TMEM117: variants seen among roughly 807,000 people sequenced by gnomAD.
TMEM117 encodes transmembrane protein 117.
A neutral mutation model predicts 52.4 loss-of-function variants in TMEM117; 27 were observed. The ratio of observed to expected loss-of-function variants is 0.51; its 90% CI spans 0.38 to 0.71. TMEM117 has a LOEUF of 0.71. Ranked by LOEUF, TMEM117 falls within the 30% of genes least tolerant of loss-of-function variation. The pLI is 0.00. For missense variants in TMEM117, 556 were observed against 630.5 expected (o/e 0.88, Z 1.26); for synonymous variants, 215 against 206.3 (o/e 1.04, Z -0.36).
At chr12:44,180,290 A>C (rs910005793) in intron 4 of TMEM117, among the ~76,000 whole-genome samples, 1 of 151,924 alleles carries the variant, frequency 6.6e-6, no homozygotes, top group African/African-American at 2.4e-5. Flanking sequence ...CATGCAGCTC[A>C]TGTTCCTCTA....
chr12:43,926,832 T>G (rs1944787082), intron 2 of TMEM117, among the ~76,000 whole-genome samples: 1 of 152,152 alleles, frequency 6.6e-6, no homozygotes, highest in African/African-American at 2.4e-5. Context: ...TTTTTCTTCA[T>G]CAGTCTAGTA....
At chr12:43,990,521 A>G (rs1255086406) in intron 3 of TMEM117, among the ~76,000 whole-genome samples, 2 of 152,132 alleles carry the variant, frequency 1.3e-5, no homozygotes, top group Non-Finnish European at 2.9e-5. Context: ...ACCGTAAAAG[A>G]TTTTTTATAT....
chr12:44,044,771 C>T (rs1037957335), intron 3 of TMEM117, among the ~76,000 whole-genome samples: 7 of 152,198 alleles, frequency 4.6e-5, no homozygotes, highest in Admixed American at 2.6e-4. Flanking sequence ...CCCTGAAGGT[C>T]AACAGTGAAG....
intron 3 of TMEM117, among the ~76,000 whole-genome samples, chr12:43,983,956 A>G (rs1002622191): frequency 6.6e-6 from 1 of 152,138 alleles, no homozygotes; most frequent in East Asian, 1.9e-4. Context: ...CTCACAATGC[A>G]TAATAGAATT....
chr12:43,895,461 GCGTGCATGTGT>G (rs1321014427), intron 2 of TMEM117, among the ~76,000 whole-genome samples: 2 of 152,112 alleles, frequency 1.3e-5, no homozygotes, highest in Non-Finnish European at 2.9e-5. Flanking sequence ...ATGAACATAT[GCGTGCATGTGT>G]CTTGTTATAT....
chr12:44,353,251 G>A (rs961517107), intron 6 of TMEM117, among the ~76,000 whole-genome samples: 1 of 151,912 alleles, frequency 6.6e-6, no homozygotes, highest in Non-Finnish European at 1.5e-5. Flanking sequence ...TAGGTTGCCT[G>A]TTCACTCTGA....
At chr12:43,813,235 T>G in the TMEM117 span, among the ~76,000 whole-genome samples, 3 of 95,276 alleles carry the variant, frequency 3.1e-5, no homozygotes, top group Non-Finnish European at 6.4e-5. Flanking sequence ...TCTCTTGTTT[T>G]TTTTTTTTTT....
chr12:43,821,630 G>A, the TMEM117 span, among the ~76,000 whole-genome samples: 5 of 152,120 alleles, frequency 3.3e-5, no homozygotes, highest in African/African-American at 1.2e-4. Context: ...CAAAATGCCT[G>A]AATCTACTAA....
At chr12:43,933,533 A>G (rs1944905514) in intron 2 of TMEM117, among the ~76,000 whole-genome samples, 1 of 151,276 alleles carries the variant, frequency 6.6e-6, no homozygotes, top group Non-Finnish European at 1.5e-5. Flanking sequence ...TGGGAACTAT[A>G]CTTTCTATCT....
rs540390588 is a variant in TMEM117, at chr12:43,867,920, G to T, written c.277+22992G>T. Among the ~76,000 whole-genome samples, 4 of 152,204 alleles carry T rather than the reference G, an allele frequency of 2.6e-5. No individual in the cohort carries two copies. In the South Asian group the frequency reaches 6.2e-4, roughly 24 times the overall value. On this transcript the variant is annotated intron_variant, in intron 2 of 7. Transcript: ENST00000266534. ...GACAATTCTAGCACAAACACCTTGAGATCTGATGTTCACAGAACATTACTC... is the reference window on the plus strand; with the variant it reads ...GACAATTCTAGCACAAACACCTTGATATCTGATGTTCACAGAACATTACTC...
chr12:44,382,242 C>A (rs1952031019), intron 7 of TMEM117, among the ~76,000 whole-genome samples: 1 of 152,070 alleles, frequency 6.6e-6, no homozygotes, highest in African/African-American at 2.4e-5. Flanking sequence ...TACATGAGCA[C>A]CTTTGTAATA....
the TMEM117 span, among the ~76,000 whole-genome samples, chr12:43,800,816 T>C: frequency 3.9e-5 from 6 of 152,186 alleles, no homozygotes; most frequent in Admixed American, 3.9e-4. Context: ...AATGGCATGA[T>C]CTCAGCTCAC....
chr12:44,052,736 C>A (rs550212854), intron 3 of TMEM117, among the ~76,000 whole-genome samples: 1 of 152,320 alleles, frequency 6.6e-6, no homozygotes, highest in Non-Finnish European at 1.5e-5. Context: ...CTTTGCCCCA[C>A]ACATTGTGTA....
intron 3 of TMEM117, among the ~76,000 whole-genome samples, chr12:43,993,138 T>C (rs1315806448): frequency 2.0e-5 from 3 of 152,224 alleles, no homozygotes; most frequent in African/African-American, 7.2e-5. Context: ...TTGGTCTTTC[T>C]GGAATAAAGA....
intron 7 of TMEM117, among the ~76,000 whole-genome samples, chr12:44,382,136 T>G (rs1436353401): frequency 1.3e-5 from 2 of 152,176 alleles, no homozygotes; most frequent in Admixed American, 6.5e-5. Flanking sequence ...AAACTCATCT[T>G]CTTCAGGGCC....
intron 3 of TMEM117, among the ~76,000 whole-genome samples, chr12:44,061,602 G>A (rs922758848): frequency 5.3e-5 from 8 of 152,038 alleles, no homozygotes; most frequent in African/African-American, 9.7e-5. Context: ...ACACATTTCC[G>A]TAACACTACA....
intron 3 of TMEM117, among the ~76,000 whole-genome samples, chr12:44,086,757 A>G (rs1034408603): frequency 1.3e-5 from 2 of 152,024 alleles, no homozygotes; most frequent in African/African-American, 4.8e-5. Context: ...TAGTTTTTAG[A>G]AACAGTTTTT....
intron 2 of TMEM117, among the ~76,000 whole-genome samples, chr12:43,933,453 G>A (rs954347893): frequency 2.6e-5 from 4 of 151,762 alleles, no homozygotes; most frequent in African/African-American, 4.8e-5. Context: ...TGCCCGCCTC[G>A]GCCTTCCAAA....
chr12:44,007,066 G>A (rs1411528221), intron 3 of TMEM117, among the ~76,000 whole-genome samples: 2 of 152,090 alleles, frequency 1.3e-5, no homozygotes, highest in African/African-American at 4.8e-5. Context: ...TATACCACTT[G>A]ATGGGTAGTG....
Sources: gnomAD v4.1 joint callset for allele counts (sites outside exome capture counted in the v4.1 genomes callset) on GRCh38, gnomAD v4.1.1 for gene constraint, MANE v1.5 for transcripts, NCBI Gene and HGNC (gene_info 2026-07-23, HGNC 2026-07-21) for gene names.